Variants in SIK2 observed in about 807,000 individuals in gnomAD.
SIK2 encodes salt inducible kinase 2, also known as serine/threonine-protein kinase SIK2.
SIK2 carries 29 observed loss-of-function variants against 103.2 expected under a neutral mutation model. The observed-to-expected ratio is 0.28, with a 90% CI of 0.21 to 0.38. The LOEUF (loss-of-function observed/expected upper bound fraction) is 0.38. Ranked by LOEUF, SIK2 falls within the 10% of genes least tolerant of loss-of-function variation. The pLI is 1.00. For synonymous variants in SIK2, 412 were observed against 446.1 expected, an observed-to-expected ratio of 0.92 and a Z score of 0.96; for missense variants, 879 against 1,171.0, an observed-to-expected ratio of 0.75 and a Z score of 3.64.
intron 1 of SIK2, among the ~76,000 whole-genome samples, chr11:111,614,375 C>T (rs555415532): frequency 2.0e-5 from 3 of 152,094 alleles, no homozygotes; most frequent in Admixed American, 6.5e-5. Context: ...TGAGCCACAG[C>T]GCCCAGCCTG....
Position 111,705,231 on chromosome 11 carries a change from AT to A in SIK2, c.1101+93del. 7.6e-7 allele frequency: 1 copy of A among 1,307,728 alleles called. No homozygotes were observed. Among genetic ancestry groups the A allele is most frequent in the South Asian group, 2.2e-5 (1 of 46,132 alleles). The allele number at this position is 1,307,728 out of a possible 1,614,324, so 81.0% of individuals were successfully genotyped here. A position where few individuals can be genotyped will look rare whatever the true frequency, so the allele number is the denominator to read the frequency against. Reference sequence around the variant, plus strand: ...ATCTTATACACAGGGTTAGGATTTCATCCTCTACACTCCGTTTTTCTGTAAA... The same window carrying A: ...ATCTTATACACAGGGTTAGGATTTCACCTCTACACTCCGTTTTTCTGTAAA... On this transcript the variant is annotated intron_variant, in intron 8 of 14. Coordinates refer to ENST00000304987, the MANE Select transcript of SIK2 (RefSeq NM_015191.3). This position sits in a 1 kb window ranked among gnomAD's most constrained non-coding sequence, Gnocchi z 4.3.
In SIK2 at chr11:111,729,005, A is replaced by G. The variant is rs1944088450; in HGVS notation, c.*4876A>G. 1 of 152,034 alleles carries G rather than the reference A, an allele frequency of 6.6e-6. No homozygotes were observed. The highest frequency in any genetic ancestry group is 1.5e-5 in the Non-Finnish European group (1 of 68,042). The allele number at this position is 152,034 out of a possible 1,614,324, so 9.4% of individuals were successfully genotyped here. A position where few individuals can be genotyped will look rare whatever the true frequency, so the allele number is the denominator to read the frequency against. ...AAGAGATTTTCTTAAAGTTTCTATC[A>G]TCTCCCTTCTGACAGGTTCTACAGT... On this transcript the variant is annotated 3_prime_UTR_variant, in exon 15 of 15. Transcript: ENST00000304987.
At chr11:111,657,924 T>A (rs1942414069) in intron 3 of SIK2, among the ~76,000 whole-genome samples, 1 of 152,108 alleles carries the variant, frequency 6.6e-6, no homozygotes, top group South Asian at 2.1e-4. Context: ...GCTGCAACTA[T>A]ACGTCATGCA....
intron 3 of SIK2, among the ~76,000 whole-genome samples, chr11:111,631,414 G>A (rs941306603): frequency 2.0e-5 from 3 of 152,100 alleles, no homozygotes; most frequent in African/African-American, 7.2e-5. Context: ...TCCAAGAGGA[G>A]AAAAAGTAGA....
In SIK2 at chr11:111,722,694, C is replaced by T. The variant is rs1399109306; in HGVS notation, c.2085C>T (p.Asn695=). 6.2e-7 allele frequency: 1 copy of T among 1,614,186 alleles called. No homozygotes were observed. Among genetic ancestry groups the T allele is most frequent in the Non-Finnish European group, 8.5e-7 (1 of 1,180,000 alleles). The change falls in exon 14 of 15, where the codon AAC becomes AAT. Residue 695 remains asparagine (N), a synonymous_variant. Transcript: ENST00000304987. This position sits in a 1 kb window ranked among gnomAD's most constrained non-coding sequence, Gnocchi z 4.4. Reference sequence around the variant, plus strand: ...CCAGCCTTCTGTCAAAGGCCCAGAACACCTGTCAGCTTTATTGCAAAGAAC... The same window carrying T: ...CCAGCCTTCTGTCAAAGGCCCAGAATACCTGTCAGCTTTATTGCAAAGAAC... ...QKPSLLSKAQ[N]TCQLYCKEPP...
Position 111,720,493 on chromosome 11 carries a change from T to A in SIK2, c.1511T>A (p.Met504Lys), listed in dbSNP as rs1377069136. ...TCTCTTAAAGGGAAAATTTTCTCCA[T>A]GAATGACAGCCCCTCCCTTGACAGT... Reference protein sequence around the residue: ...VMPGAGKIFSMNDSPSLDSVD... With the variant: ...VMPGAGKIFSKNDSPSLDSVD... The change falls in exon 11 of 15, where the codon ATG becomes AAG. Residue 504 changes from methionine (M) to lysine (K), a missense_variant. This residue lies in a region of SIK2 where 222 missense variants were observed against 258.0 expected (regional missense o/e 0.86). Coordinates refer to ENST00000304987, the MANE Select transcript of SIK2 (RefSeq NM_015191.3). 3 of 1,600,228 alleles carry A rather than the reference T, an allele frequency of 1.9e-6. No homozygotes were observed. Among genetic ancestry groups the A allele is most frequent in the Non-Finnish European group, 1.7e-6 (2 of 1,174,774 alleles).
In SIK2 at chr11:111,730,554, T is replaced by C. The variant is rs1335570789; in HGVS notation, c.*6425T>C. ...ATGTTTGGTCTGAAAGAGTTACTTT[T>C]GATAAAGTTAATCTAACTGTAGTTA... is the stretch of plus-strand genomic sequence containing the variant. On this transcript the variant is annotated 3_prime_UTR_variant, in exon 15 of 15. Coordinates refer to ENST00000304987, the MANE Select transcript of SIK2 (RefSeq NM_015191.3). The C allele has an allele frequency of 6.6e-6, 1 of 152,198 alleles. No individual in the cohort carries two copies. The highest frequency in any genetic ancestry group is 1.5e-5 in the Non-Finnish European group (1 of 68,030). The allele number at this position is 152,198 out of a possible 1,614,324, so 9.4% of individuals were successfully genotyped here. A position where few individuals can be genotyped will look rare whatever the true frequency, so the allele number is the denominator to read the frequency against.
chr11:111,651,035 C>T (rs929299827), intron 3 of SIK2, among the ~76,000 whole-genome samples: 13 of 152,058 alleles, frequency 8.5e-5, no homozygotes, highest in African/African-American at 2.4e-5. Context: ...TCTGACTTCA[C>T]GTTAGAGTTA....
chr11:111,716,658 C>T (rs1049265078), intron 9 of SIK2, among the ~76,000 whole-genome samples: 5 of 152,116 alleles, frequency 3.3e-5, no homozygotes, highest in Non-Finnish European at 2.9e-5. Flanking sequence ...AGGATAAAAT[C>T]GAACTCAGCA....
chr11:111,720,690 C>T lies in SIK2; in HGVS notation c.1708C>T (p.Arg570Ter), dbSNP rs1385113001. Reference sequence around the variant, plus strand: ...CATGCAGGCTCTGAGCTCCCAGAAACGAGAGGTCCACAACAGGTCTCCAGT... The same window carrying T: ...CATGCAGGCTCTGAGCTCCCAGAAATGAGAGGTCCACAACAGGTCTCCAGT... The part of the protein sequence containing the change: ...PAMQALSSQK[R>*]EVHNRSPVSF... Residue 570 changes from arginine (R) to a stop codon, truncating the protein, a stop_gained, in exon 11 of 15, where the codon CGA becomes TGA. Transcript: ENST00000304987. LOFTEE classifies it high-confidence loss of function. 1.2e-6 allele frequency: 2 copies of T among 1,613,794 alleles called. No individual in the cohort carries two copies. Among genetic ancestry groups the T allele is most frequent in the Admixed American group, 1.7e-5 (1 of 60,010 alleles).
intron 3 of SIK2, among the ~76,000 whole-genome samples, chr11:111,638,307 C>T (rs1269477917): frequency 6.6e-6 from 1 of 152,162 alleles, no homozygotes; most frequent in Non-Finnish European, 1.5e-5. Context: ...AGAGGATAAG[C>T]CTCTAGATTT....
intron 3 of SIK2, among the ~76,000 whole-genome samples, chr11:111,677,508 C>T (rs1270268524): frequency 1.3e-5 from 2 of 152,076 alleles, no homozygotes; most frequent in African/African-American, 2.4e-5. Flanking sequence ...ACCTCCGCCT[C>T]CCAGGTTCAT....
chr11:111,642,896 G>A (rs1296415963), intron 3 of SIK2, among the ~76,000 whole-genome samples: 2 of 145,352 alleles, frequency 1.4e-5, no homozygotes, highest in African/African-American at 2.7e-5. Context: ...TCTCTGTTTG[G>A]AAGTGGAGAC....
chr11:111,612,388 TGATA>T (rs935196386), intron 1 of SIK2, among the ~76,000 whole-genome samples: 2 of 152,212 alleles, frequency 1.3e-5, no homozygotes, highest in Non-Finnish European at 2.9e-5. Flanking sequence ...GGGAAGTACT[TGATA>T]GAGAGCTCCA....
chr11:111,711,174 A>G (rs1193856605), intron 8 of SIK2, among the ~76,000 whole-genome samples: 1 of 150,762 alleles, frequency 6.6e-6, no homozygotes, highest in Non-Finnish European at 1.5e-5. Flanking sequence ...GCTGGAGTGC[A>G]GTGGCGGGAT....
At chr11:111,675,899 C>T (rs1293221038) in intron 3 of SIK2, among the ~76,000 whole-genome samples, 18 of 152,208 alleles carry the variant, frequency 1.2e-4, no homozygotes, top group Admixed American at 1.2e-3. Flanking sequence ...CCCTCACCCT[C>T]GTCCCACCCT....
intron 3 of SIK2, among the ~76,000 whole-genome samples, chr11:111,643,312 T>C (rs1043932233): frequency 7.9e-5 from 12 of 151,960 alleles, no homozygotes; most frequent in African/African-American, 1.9e-4. Context: ...TGTTGGAAGG[T>C]TGGGGGCGAG....
chr11:111,689,253 C>T (rs1942892681), intron 4 of SIK2, among the ~76,000 whole-genome samples: 1 of 152,120 alleles, frequency 6.6e-6, no homozygotes, highest in South Asian at 2.1e-4. Context: ...ATAGTTTATT[C>T]TGTAGGTAAT....
intron 8 of SIK2, among the ~76,000 whole-genome samples, chr11:111,707,094 C>T (rs555082187): frequency 6.6e-6 from 1 of 151,884 alleles, no homozygotes; most frequent in Non-Finnish European, 1.5e-5. Flanking sequence ...CTTTCAAGAC[C>T]GAGAAAGAAG....
Sources: gnomAD v4.1 joint callset for allele counts (sites outside exome capture counted in the v4.1 genomes callset) on GRCh38, gnomAD v4.1.1 for gene constraint, gnomAD v4.1.1 regional missense constraint, Gnocchi (gnomAD v3.1) non-coding constraint, MANE v1.5 for transcripts, NCBI Gene and HGNC (gene_info 2026-07-23, HGNC 2026-07-21) for gene names.